Variants in TENM3 observed in about 807,000 individuals in gnomAD.
The protein encoded by TENM3 is teneurin transmembrane protein 3.
TENM3 carries 63 observed loss-of-function variants against 255.1 expected under a neutral mutation model. The ratio of observed to expected loss-of-function variants is 0.25; its 90% confidence interval spans 0.20 to 0.30. TENM3 has a LOEUF of 0.30. TENM3 is among the 10% of genes least tolerant of loss of function. TENM3 has a pLI of 1.00. For synonymous variants in TENM3, 1,306 were observed against 1,322.3 expected (o/e 0.99, Z 0.27); for missense variants, 2,929 against 3,461.1 (o/e 0.85, Z 3.86).
chr4:181,464,857 A>G, the TENM3 span, among the ~76,000 whole-genome samples: 1 of 152,188 alleles, frequency 6.6e-6, no homozygotes, highest in Non-Finnish European at 1.5e-5. Context: ...AGGCTGAGGC[A>G]GGAGAATGAC....
chr4:182,452,849 T>C (rs940392028), intron 3 of TENM3, among the ~76,000 whole-genome samples: 3 of 152,168 alleles, frequency 2.0e-5, no homozygotes, highest in African/African-American at 7.2e-5. Context: ...ATAACTCTTG[T>C]TGGAGTTTTG....
chr4:181,650,526 CCTAT>C, the TENM3 span, among the ~76,000 whole-genome samples: 1 of 152,174 alleles, frequency 6.6e-6, no homozygotes, highest in African/African-American at 2.4e-5. Flanking sequence ...TCTCTTTCTT[CCTAT>C]CTTAGTTGTC....
chr4:181,683,512 G>C, the TENM3 span, among the ~76,000 whole-genome samples: 36 of 151,962 alleles, frequency 2.4e-4, no homozygotes, highest in East Asian at 6.4e-3. Context: ...TAAGTCTAGT[G>C]GGGGGGCCAA....
At chr4:182,317,769 A>G (rs993378838) in intron 1 of TENM3, among the ~76,000 whole-genome samples, 1 of 151,888 alleles carries the variant, frequency 6.6e-6, no homozygotes, top group African/African-American at 2.4e-5. Flanking sequence ...CAATTTTTGG[A>G]TTTATACATT....
chr4:182,411,779 A>G (rs1315297578), intron 3 of TENM3, among the ~76,000 whole-genome samples: 1 of 152,216 alleles, frequency 6.6e-6, no homozygotes, highest in Non-Finnish European at 1.5e-5. Flanking sequence ...CTTCCTGTAA[A>G]GAGGGCATTA....
At chr4:182,657,826 T>C (rs1430702836) in intron 6 of TENM3, among the ~76,000 whole-genome samples, 3 of 152,088 alleles carry the variant, frequency 2.0e-5, no homozygotes, top group African/African-American at 7.2e-5. Flanking sequence ...GCCTGGCTAA[T>C]TTTTGTATAT....
intron 1 of TENM3, among the ~76,000 whole-genome samples, chr4:182,255,661 A>G (rs1758341691): frequency 6.6e-6 from 1 of 152,174 alleles, no homozygotes; most frequent in Non-Finnish European, 1.5e-5. Context: ...GGGATGACCA[A>G]CAGCAGCCAG....
the TENM3 span, among the ~76,000 whole-genome samples, chr4:181,479,251 G>A: frequency 1.3e-5 from 2 of 152,184 alleles, no homozygotes; most frequent in Non-Finnish European, 2.9e-5. Context: ...AATTGGAATA[G>A]TAGATAGTAC....
the TENM3 span, among the ~76,000 whole-genome samples, chr4:182,080,727 C>T: frequency 1.5e-3 from 232 of 152,288 alleles, no homozygotes; most frequent in African/African-American, 5.5e-3. Context: ...CATGGTGGCT[C>T]GCGCCCGTAA....
At chr4:181,543,240 C>G in the TENM3 span, among the ~76,000 whole-genome samples, 12 of 152,168 alleles carry the variant, frequency 7.9e-5, no homozygotes, top group Admixed American at 7.9e-4. Context: ...GGGCCTTCGT[C>G]CAGCTTGAGA....
intron 3 of TENM3, among the ~76,000 whole-genome samples, chr4:182,582,726 G>A (rs773554610): frequency 6.6e-5 from 10 of 152,240 alleles, no homozygotes; most frequent in Non-Finnish European, 8.8e-5. Context: ...CGATATGGAC[G>A]TGTTAGAATG....
chr4:182,490,159 T>G (rs975163674), intron 3 of TENM3, among the ~76,000 whole-genome samples: 40 of 152,208 alleles, frequency 2.6e-4, no homozygotes, highest in Non-Finnish European at 3.2e-4. Flanking sequence ...TGTAGTATTA[T>G]AAATTGTTAA....
At chr4:181,706,486 G>T in the TENM3 span, among the ~76,000 whole-genome samples, 1 of 152,160 alleles carries the variant, frequency 6.6e-6, no homozygotes, top group African/African-American at 2.4e-5. Context: ...GTCAGAGATA[G>T]TAAAGTTATA....
At chr4:182,636,716 CAAAAA>C (rs58957542) in intron 5 of TENM3, among the ~76,000 whole-genome samples, 1 of 122,950 alleles carries the variant, frequency 8.1e-6, no homozygotes, top group African/African-American at 2.8e-5. Flanking sequence ...GACTCTGTCT[CAAAAA>C]AAAAAAAAGA....
chr4:181,828,709 C>T, the TENM3 span, among the ~76,000 whole-genome samples: 1 of 152,180 alleles, frequency 6.6e-6, no homozygotes, highest in Non-Finnish European at 1.5e-5. Flanking sequence ...CTGCCTCAGC[C>T]TCCTGAGTAG....
the TENM3 span, among the ~76,000 whole-genome samples, chr4:181,857,015 A>G: frequency 6.6e-6 from 1 of 152,176 alleles, no homozygotes; most frequent in Non-Finnish European, 1.5e-5. Flanking sequence ...TCTGGGGCAA[A>G]CCATGGTGAT....
intron 13 of TENM3, among the ~76,000 whole-genome samples, chr4:182,724,183 A>G (rs1177035713): frequency 2.0e-5 from 3 of 152,172 alleles, no homozygotes; most frequent in Admixed American, 1.3e-4. Flanking sequence ...TTTATGATTA[A>G]TGCTATTAGA....
At chr4:181,505,878 A>G in the TENM3 span, among the ~76,000 whole-genome samples, 1 of 152,224 alleles carries the variant, frequency 6.6e-6, no homozygotes, top group Non-Finnish European at 1.5e-5. Flanking sequence ...ACATCCTAAA[A>G]ACAACAAATA....
Position 182,630,522 on chromosome 4 carries a change from G to A in TENM3, c.988+1633G>A, listed in dbSNP as rs377433493. ...GGAGAACACACGGGCACAGGGAAGG[G>A]AACAAGACACACTGAGGCCTGTCAT... On this transcript the variant is annotated intron_variant, in intron 5 of 27. Transcript: ENST00000511685. Among the ~76,000 whole-genome samples the A allele has an allele frequency of 3.4e-3, 518 of 152,236 alleles. 2 individuals are homozygous for A. The highest frequency in any genetic ancestry group is 8.5e-3 in the South Asian group (41 of 4,826).
Sources: allele counts gnomAD v4.1 joint callset (sites outside exome capture counted in the v4.1 genomes callset), GRCh38; gene constraint gnomAD v4.1.1; transcripts MANE v1.5; gene names NCBI Gene and HGNC (gene_info 2026-07-23, HGNC 2026-07-21).